Variants in SFSWAP observed in about 807,000 individuals in gnomAD.
SFSWAP encodes splicing factor SWAP, also known as splicing factor, suppressor of white-apricot homolog.
A neutral mutation model predicts 100.7 loss-of-function variants in SFSWAP; 17 were observed. That is an observed-to-expected ratio of 0.17 (90% CI 0.12 to 0.25). The LOEUF is 0.25. SFSWAP is among the 10% of genes least tolerant of loss of function. The probability of loss-of-function intolerance (pLI) is 1.00; values close to 1 mark genes in which losing one functional copy is unlikely to be tolerated. For synonymous variants in SFSWAP, 504 were observed against 510.1 expected (o/e 0.99, Z 0.16); for missense variants, 1,005 against 1,262.6 (o/e 0.80, Z 3.09).
chr12:131,786,100 G>C (rs1884868822), intron 14 of SFSWAP, among the ~76,000 whole-genome samples: 1 of 152,190 alleles, frequency 6.6e-6, no homozygotes, highest in South Asian at 2.1e-4. Context: ...GCGCCAGCCT[G>C]AGGTGGTCAT....
intron 7 of SFSWAP, among the ~76,000 whole-genome samples, chr12:131,738,643 T>C (rs545877667): frequency 6.6e-6 from 1 of 152,350 alleles, no homozygotes; most frequent in Admixed American, 6.5e-5. Context: ...ATTGTAGATA[T>C]TTTTTAAAGC....
intron 14 of SFSWAP, among the ~76,000 whole-genome samples, chr12:131,780,849 G>A (rs749621019): frequency 5.9e-5 from 9 of 152,228 alleles, no homozygotes; most frequent in African/African-American, 2.2e-4. Flanking sequence ...AAACCTTGGG[G>A]GACCGATCAT....
intron 7 of SFSWAP, among the ~76,000 whole-genome samples, chr12:131,746,400 CCCAG>C (rs1259433847): frequency 2.6e-5 from 4 of 152,312 alleles, no homozygotes; most frequent in African/African-American, 9.6e-5. Context: ...TGCTGCTAGA[CCCAG>C]GCGGAGCAAG....
At chr12:131,713,808 G>T in intron 1 of SFSWAP, 1 of 265,870 alleles carries the variant, frequency 3.8e-6, no homozygotes, top group Non-Finnish European at 7.0e-6. Flanking sequence ...TTAATGGATT[G>T]TTTGCCTTTA....
intron 14 of SFSWAP, among the ~76,000 whole-genome samples, chr12:131,780,137 C>T (rs1863292985): frequency 6.6e-6 from 1 of 152,202 alleles, no homozygotes; most frequent in African/African-American, 2.4e-5. Flanking sequence ...CAAGCATTTA[C>T]ACTCCTCTGC....
chr12:131,715,254 G>A (rs1477725013), intron 3 of SFSWAP, among the ~76,000 whole-genome samples: 1 of 152,094 alleles, frequency 6.6e-6, no homozygotes, highest in Non-Finnish European at 1.5e-5. Flanking sequence ...TATCCTCAGG[G>A]ATTCATTCTT....
intron 7 of SFSWAP, among the ~76,000 whole-genome samples, chr12:131,738,273 T>C (rs1880232018): frequency 6.6e-6 from 1 of 152,222 alleles, no homozygotes; most frequent in African/African-American, 2.4e-5. Context: ...TTTTATTGTA[T>C]GTCAAGAGAA....
At position 131,734,960 on chromosome 12, in the gene SFSWAP, G is replaced by A. The variant is rs961231475; in HGVS notation, c.1081+6532G>A. On this transcript the variant is annotated intron_variant, in intron 7 of 17. Coordinates refer to ENST00000261674, the MANE Select transcript of SFSWAP (RefSeq NM_004592.4). This position sits in a 1 kb window ranked among gnomAD's most constrained non-coding sequence, Gnocchi z 4.9. ...CTCCGAGAGACAGACAGGTCAGGCCGGAAGCGACTGTCCGTGAAGGTGACG... is the reference window on the plus strand; with the variant it reads ...CTCCGAGAGACAGACAGGTCAGGCCAGAAGCGACTGTCCGTGAAGGTGACG... 5.3e-5 allele frequency among the ~76,000 whole-genome samples: 8 copies of A among 152,198 alleles called. No individual in the cohort carries two copies. Among genetic ancestry groups the A allele is most frequent in the Non-Finnish European group, 1.0e-4 (7 of 68,028 alleles).
intron 13 of SFSWAP, among the ~76,000 whole-genome samples, chr12:131,772,061 C>T (rs887376867): frequency 6.6e-6 from 1 of 152,184 alleles, no homozygotes; most frequent in African/African-American, 2.4e-5. Context: ...CTTTCTTTGT[C>T]TTATGCTGCG....
chr12:131,774,137 T>C (rs1201016463), intron 13 of SFSWAP, among the ~76,000 whole-genome samples: 1 of 151,968 alleles, frequency 6.6e-6, no homozygotes, highest in Non-Finnish European at 1.5e-5. Flanking sequence ...CACGGGGCGC[T>C]GGAGCAGAGT....
At chr12:131,764,408 G>A (rs761149268) in intron 11 of SFSWAP, 48 bp from the exon 12 acceptor site, 1 of 1,520,910 alleles carries the variant, frequency 6.6e-7, no homozygotes, top group Non-Finnish European at 9.1e-7. Context: ...GGCCTGCAAA[G>A]ATTTCCACTC....
rs531630046 is a variant in SFSWAP, at chr12:131,774,130, G to A, written c.2143-3935G>A. On this transcript the variant is annotated intron_variant, in intron 13 of 17. Coordinates refer to ENST00000261674, the MANE Select transcript of SFSWAP (RefSeq NM_004592.4). Reference sequence around the variant, plus strand: ...CTGAGACAGTGTGGCTGCGGGGCACGGGGCGCTGGAGCAGAGTGGAGGCAG... The same window carrying A: ...CTGAGACAGTGTGGCTGCGGGGCACAGGGCGCTGGAGCAGAGTGGAGGCAG... Among the ~76,000 whole-genome samples, 10 of 152,332 alleles carry A rather than the reference G, an allele frequency of 6.6e-5. No individual in the cohort carries two copies. The South Asian group carries it at 1.2e-3, about 19-fold the overall frequency.
chr12:131,789,000 G>T (rs1050455980), intron 15 of SFSWAP, among the ~76,000 whole-genome samples: 1 of 151,186 alleles, frequency 6.6e-6, no homozygotes, highest in Non-Finnish European at 1.5e-5. Flanking sequence ...TTTTATTTGA[G>T]ATAGGGTCTC....
intron 7 of SFSWAP, among the ~76,000 whole-genome samples, chr12:131,738,015 C>T (rs1161733941): frequency 6.6e-6 from 1 of 151,968 alleles, no homozygotes; most frequent in Non-Finnish European, 1.5e-5. Flanking sequence ...ATGCAGGAGG[C>T]AGTCATAGTG....
At chr12:131,731,235 G>A (rs12307371) in intron 7 of SFSWAP, among the ~76,000 whole-genome samples, 6,929 of 152,256 alleles carry the variant, frequency 0.046, 536 homozygotes, top group African/African-American at 0.16. Context: ...GCGTTACGTC[G>A]GGTCCTCCAG....
At chr12:131,775,010 C>G (rs1294494696) in intron 13 of SFSWAP, among the ~76,000 whole-genome samples, 1 of 152,164 alleles carries the variant, frequency 6.6e-6, no homozygotes, top group Non-Finnish European at 1.5e-5. Flanking sequence ...TCCTCGCACT[C>G]CTGTTTGTCT....
chr12:131,795,960 AGGACGGGAGGGGAG>A (rs1357723151), intron 15 of SFSWAP, among the ~76,000 whole-genome samples: 15 of 127,920 alleles, frequency 1.2e-4, no homozygotes, highest in East Asian at 3.1e-4. Flanking sequence ...ACCAGCAAGC[AGGACGGGAGGGGAG>A]GGATAGGGGA....
rs767892575 is a variant in SFSWAP, at chr12:131,728,702, CT to C, written c.1081+290del. Among the ~76,000 whole-genome samples, 722 of 139,020 alleles carry C rather than the reference CT, an allele frequency of 5.2e-3. 2 individuals carry two copies. Among genetic ancestry groups the C allele is most frequent in the African/African-American group, 0.01 (384 of 38,272 alleles). 91.2% of individuals were successfully genotyped at this position (139,020 alleles called of 152,430 possible). A position where few individuals can be genotyped will look rare whatever the true frequency, so the allele number is the denominator to read the frequency against. On this transcript the variant is annotated intron_variant, in intron 7 of 17. Transcript: ENST00000261674. Reference sequence around the variant, plus strand: ...TAGCTGGCTGCCTCTGCCCTTCTTTCTTTTTTTTTTTTTTTTGAGGCGAGGT... The same window carrying C: ...TAGCTGGCTGCCTCTGCCCTTCTTTCTTTTTTTTTTTTTTTGAGGCGAGGT...
Position 131,737,182 on chromosome 12 carries a change from C to T in SFSWAP, c.1081+8754C>T, listed in dbSNP as rs972711192. Among the ~76,000 whole-genome samples the T allele has an allele frequency of 9.2e-5, 14 of 152,242 alleles. No homozygotes were observed. The South Asian group carries it at 1.9e-3, about 20-fold the overall frequency. On this transcript the variant is annotated intron_variant, in intron 7 of 17. Coordinates refer to ENST00000261674, the MANE Select transcript of SFSWAP (RefSeq NM_004592.4). ...GCCCGAGCGCTGCAGGGCCACCCAC[C>T]GGAATGGCTCTTCCTGAGGGTGGAG...
Sources: allele counts gnomAD v4.1 joint callset (sites outside exome capture counted in the v4.1 genomes callset), GRCh38; gene constraint gnomAD v4.1.1; non-coding constraint Gnocchi (gnomAD v3.1); transcripts MANE v1.5; gene names NCBI Gene and HGNC (gene_info 2026-07-23, HGNC 2026-07-21).